FBXW11: variants seen among roughly 807,000 people sequenced by gnomAD.
FBXW11 encodes F-box and WD repeat domain containing 11, also known as F-box/WD repeat-containing protein 11.
In FBXW11, 19 loss-of-function variants were observed where a neutral mutation model predicts 77.6. The ratio of observed to expected loss-of-function variants is 0.24; its 90% CI spans 0.17 to 0.36. FBXW11 has a LOEUF of 0.36. Among genes scored for constraint, FBXW11 ranks in the 10% least tolerant of loss-of-function variants. The pLI is 1.00. For missense variants in FBXW11, 334 were observed against 704.2 expected (o/e 0.47, Z 5.95); for synonymous variants, 235 against 249.4 (o/e 0.94, Z 0.54).
intron 2 of FBXW11, among the ~76,000 whole-genome samples, chr5:171,928,136 C>T (rs551722742): frequency 1.3e-5 from 2 of 152,118 alleles, no homozygotes; most frequent in African/African-American, 4.8e-5. Context: ...GGAATGAAGA[C>T]ATAACTGAAA....
intron 1 of FBXW11, among the ~76,000 whole-genome samples, chr5:171,984,709 A>G (rs886310920): frequency 6.6e-6 from 1 of 152,246 alleles, no homozygotes; most frequent in African/African-American, 2.4e-5. Flanking sequence ...CTCCTTAAAA[A>G]TAAGTATATA....
chr5:171,981,182 A>C (rs776381769), intron 1 of FBXW11, among the ~76,000 whole-genome samples: 2 of 151,960 alleles, frequency 1.3e-5, no homozygotes, highest in African/African-American at 2.4e-5. Context: ...GGTTCAGAGA[A>C]CTTCTGGGAT....
rs1758062066 is a variant in FBXW11, at chr5:171,876,080, C to T, written c.1221+205G>A. Among the ~76,000 whole-genome samples the T allele has an allele frequency of 6.6e-6, 1 of 152,186 alleles. No individual in the cohort carries two copies. The highest frequency in any genetic ancestry group is 2.1e-4 in the South Asian group (1 of 4,830). Reference sequence around the variant, plus strand: ...GAATTTCATGTCATGAAACAGAAGACTGTTCTCTCTTCTGGACCGATGGCT... The same window carrying T: ...GAATTTCATGTCATGAAACAGAAGATTGTTCTCTCTTCTGGACCGATGGCT... On this transcript the variant is annotated intron_variant, in intron 9 of 13. Coordinates refer to ENST00000517395, the MANE Select transcript of FBXW11 (RefSeq NM_001378974.1). The surrounding 1 kb of genome is among the most constrained non-coding windows in gnomAD (Gnocchi z 4.2).
At chr5:171,944,476 G>A (rs1346121323) in intron 2 of FBXW11, among the ~76,000 whole-genome samples, 1 of 149,384 alleles carries the variant, frequency 6.7e-6, no homozygotes, top group Non-Finnish European at 1.5e-5. Context: ...GCGGGAGGCT[G>A]AGGCAGGAGA....
Position 171,868,642 on chromosome 5 carries a change from G to C in FBXW11, c.1685C>G (p.Ser562Cys). 1 of 1,612,810 alleles carries C rather than the reference G, an allele frequency of 6.2e-7. No homozygotes were observed. Among genetic ancestry groups the C allele is most frequent in the Non-Finnish European group, 8.5e-7 (1 of 1,179,556 alleles). ...RSPSRTYTYI[S>C]R ...GGGTGAAAGTGCAGACTGTTATCTA[G>C]AGATGTAAGTGTATGTTCTGGAGGG... Residue 562 changes from serine (S) to cysteine (C), a missense_variant, in exon 13 of 14, where the codon TCT becomes TGT. Physicochemically the swap from Ser to Cys is moderately radical, Grantham distance 112. Around this residue, in one of 10 missense-constraint regions of FBXW11, gnomAD observed 20 missense variants for 26.8 expected, o/e 0.75. Coordinates refer to ENST00000517395, the MANE Select transcript of FBXW11 (RefSeq NM_001378974.1).
At chr5:171,890,001 C>CT (rs1167143931) in intron 7 of FBXW11, among the ~76,000 whole-genome samples, 1 of 151,894 alleles carries the variant, frequency 6.6e-6, no homozygotes, top group Non-Finnish European at 1.5e-5. Flanking sequence ...ATAAAGAACT[C>CT]TAAAAACTCA....
intron 1 of FBXW11, among the ~76,000 whole-genome samples, chr5:172,004,603 T>C (rs934766773): frequency 1.3e-5 from 2 of 152,168 alleles, no homozygotes; most frequent in South Asian, 2.1e-4. Context: ...TTTAAAGGAA[T>C]AGAAATGGAA....
At chr5:171,967,102 A>G (rs1414708625) in intron 1 of FBXW11, among the ~76,000 whole-genome samples, 1 of 152,182 alleles carries the variant, frequency 6.6e-6, no homozygotes, top group African/African-American at 2.4e-5. Flanking sequence ...TTTATTTTCA[A>G]ATTTTATCTA....
chr5:171,998,316 C>T (rs1766183852), intron 1 of FBXW11, among the ~76,000 whole-genome samples: 1 of 136,994 alleles, frequency 7.3e-6, no homozygotes, highest in African/African-American at 3.3e-5. Context: ...ATTCTACAGC[C>T]CATGATATTT....
intron 2 of FBXW11, among the ~76,000 whole-genome samples, chr5:171,925,461 T>C (rs1761839785): frequency 6.6e-6 from 1 of 152,090 alleles, no homozygotes; most frequent in Non-Finnish European, 1.5e-5. Flanking sequence ...TAAAACGTCA[T>C]ATGGGTTTTT....
At chr5:171,940,990 G>A (rs1458711354) in intron 2 of FBXW11, among the ~76,000 whole-genome samples, 2 of 151,934 alleles carry the variant, frequency 1.3e-5, no homozygotes, top group Non-Finnish European at 2.9e-5. Flanking sequence ...TTAAAATAAC[G>A]TACTGAATAA....
intron 2 of FBXW11, among the ~76,000 whole-genome samples, chr5:171,945,050 T>C (rs976719343): frequency 1.3e-5 from 2 of 152,192 alleles, no homozygotes; most frequent in African/African-American, 4.8e-5. Context: ...CGTTTTCTCA[T>C]AGAACTTGGA....
chr5:171,886,079 C>A (rs1034881792), intron 7 of FBXW11, among the ~76,000 whole-genome samples: 3 of 152,178 alleles, frequency 2.0e-5, no homozygotes, highest in Non-Finnish European at 4.4e-5. Flanking sequence ...AAGCCCACAG[C>A]CAGACTATGC....
intron 4 of FBXW11, chr5:171,908,979 T>A (rs1275054990): frequency 6.6e-6 from 1 of 152,242 alleles, no homozygotes; most frequent in African/African-American, 2.4e-5. Context: ...TGGCTACTTC[T>A]AGGCTTATTT....
Position 171,877,948 on chromosome 5 carries a change from G to A in FBXW11, c.971+63C>T. 4 of 1,181,442 alleles carry A rather than the reference G, an allele frequency of 3.4e-6. No individual in the cohort carries two copies. In the South Asian group the frequency reaches 5.1e-5, roughly 15 times the overall value. The allele number at this position is 1,181,442 out of a possible 1,614,324, so 73.2% of individuals were successfully genotyped here. A position where few individuals can be genotyped will look rare whatever the true frequency, so the allele number is the denominator to read the frequency against. On this transcript the variant is annotated intron_variant, in intron 8 of 13. Transcript: ENST00000517395. ...GTGTATGCCTCTCCCAGAGGAGGAT[G>A]TCAATCTCAGACTTTCTCAGGGAAG... is the stretch of plus-strand genomic sequence containing the variant.
chr5:171,983,772 C>T (rs996421744), intron 1 of FBXW11, among the ~76,000 whole-genome samples: 3 of 152,066 alleles, frequency 2.0e-5, no homozygotes, highest in Non-Finnish European at 4.4e-5. Flanking sequence ...TAAATATATG[C>T]CTACCCCCAT....
chr5:171,901,727 A>T (rs2113888682), intron 4 of FBXW11, among the ~76,000 whole-genome samples: 1 of 152,280 alleles, frequency 6.6e-6, no homozygotes, highest in Non-Finnish European at 1.5e-5. Flanking sequence ...CTATTGAAAC[A>T]ATTTCCCCGA....
chr5:171,953,325 A>T (rs1224749218), intron 2 of FBXW11, among the ~76,000 whole-genome samples: 1 of 152,200 alleles, frequency 6.6e-6, no homozygotes, highest in Non-Finnish European at 1.5e-5. Context: ...TCTATAAAAT[A>T]CTACAGATTC....
chr5:171,969,007 T>C (rs762970241), intron 1 of FBXW11, among the ~76,000 whole-genome samples: 1 of 152,154 alleles, frequency 6.6e-6, no homozygotes, highest in East Asian at 1.9e-4. Context: ...TGGTGGCTCA[T>C]GCCTGTAATC....
Sources: gnomAD v4.1 joint callset for allele counts (sites outside exome capture counted in the v4.1 genomes callset) on GRCh38, gnomAD v4.1.1 for gene constraint, gnomAD v4.1.1 regional missense constraint, Gnocchi (gnomAD v3.1) non-coding constraint, MANE v1.5 for transcripts, NCBI Gene and HGNC (gene_info 2026-07-23, HGNC 2026-07-21) for gene names.